Variants in NPAS3 observed in about 807,000 individuals in gnomAD.
NPAS3 encodes neuronal PAS domain protein 3.
NPAS3 carries 14 observed loss-of-function variants against 73.1 expected under a neutral mutation model. The observed-to-expected ratio is 0.19, with a 90% CI of 0.13 to 0.30. The LOEUF (loss-of-function observed/expected upper bound fraction) is 0.30. Among genes scored for constraint, NPAS3 ranks in the 10% least tolerant of loss-of-function variants. The pLI is 1.00. For synonymous variants in NPAS3, 620 were observed against 541.5 expected (o/e 1.14, Z -2.01); for missense variants, 1,096 against 1,250.0 (o/e 0.88, Z 1.86).
At chr14:33,008,170 A>C (rs1485751665) in intron 1 of NPAS3, among the ~76,000 whole-genome samples, 1 of 152,246 alleles carries the variant, frequency 6.6e-6, no homozygotes, top group African/African-American at 2.4e-5. Flanking sequence ...AGCAAGAAAG[A>C]GAAACAGCCT....
intron 4 of NPAS3, among the ~76,000 whole-genome samples, chr14:33,451,344 G>A (rs2049782289): frequency 6.6e-6 from 1 of 152,156 alleles, no homozygotes; most frequent in African/African-American, 2.4e-5. Flanking sequence ...GTTTAAATCT[G>A]AGCCTTCTCC....
intron 3 of NPAS3, among the ~76,000 whole-genome samples, chr14:33,273,375 T>C (rs2041186472): frequency 6.6e-6 from 1 of 152,172 alleles, no homozygotes; most frequent in African/African-American, 2.4e-5. Context: ...AGTTAAAAGC[T>C]GTAGAAGTGG....
intron 7 of NPAS3, among the ~76,000 whole-genome samples, chr14:33,736,236 A>C (rs1000004943): frequency 6.6e-6 from 1 of 152,218 alleles, no homozygotes; most frequent in Non-Finnish European, 1.5e-5. Flanking sequence ...GGTAACAGCC[A>C]GTATCATTAG....
chr14:33,794,169 A>T (rs112660000), intron 10 of NPAS3, 125 bp downstream of exon 10: 9 of 790,112 alleles, frequency 1.1e-5, no homozygotes, highest in African/African-American at 5.2e-5. Flanking sequence ...GTGGAATTTC[A>T]TGGCAATTCT....
intron 3 of NPAS3, 76 bp downstream of exon 3, chr14:33,215,502 C>G: frequency 6.6e-7 from 1 of 1,503,880 alleles, no homozygotes; most frequent in Non-Finnish European, 9.2e-7. Flanking sequence ...TACCATCATC[C>G]TTTCTTCTTT....
At chr14:33,750,605 T>TAATAACCTGA (rs371678805) in intron 7 of NPAS3, among the ~76,000 whole-genome samples, 6,844 of 152,262 alleles carry the variant, frequency 0.045, 257 homozygotes, top group African/African-American at 0.1. Context: ...AGAAGTCTAG[T>TAATAACCTGA]GTAACCAAGA....
intron 3 of NPAS3, among the ~76,000 whole-genome samples, chr14:33,285,308 A>G (rs1041555326): frequency 2.0e-5 from 3 of 152,198 alleles, no homozygotes; most frequent in African/African-American, 7.2e-5. Context: ...TCTGATTGCT[A>G]ATCAAATGGG....
At chr14:33,629,574 GTTTTTTT>G (rs61168695) in intron 5 of NPAS3, among the ~76,000 whole-genome samples, 1 of 144,504 alleles carries the variant, frequency 6.9e-6, no homozygotes, top group Admixed American at 6.9e-5. Flanking sequence ...TGTTGTTTTT[GTTTTTTT>G]TTTTAACACA....
chr14:33,310,399 T>C (rs1056369635), intron 3 of NPAS3, among the ~76,000 whole-genome samples: 2 of 152,124 alleles, frequency 1.3e-5, no homozygotes, highest in African/African-American at 2.4e-5. Flanking sequence ...GGGGATTTCC[T>C]GTGAGGAAAG....
At chr14:33,170,356 A>G (rs1242706739) in intron 2 of NPAS3, among the ~76,000 whole-genome samples, 1 of 152,224 alleles carries the variant, frequency 6.6e-6, no homozygotes, top group East Asian at 1.9e-4. Context: ...CTTTCAGGGA[A>G]CCATAATCTT....
At chr14:33,558,266 C>CT (rs1222683330) in intron 4 of NPAS3, among the ~76,000 whole-genome samples, 2,389 of 145,932 alleles carry the variant, frequency 0.016, 57 homozygotes, top group African/African-American at 0.05. Context: ...GGAAAATTCA[C>CT]TTTTTTTTTT....
chr14:32,958,847 G>A (rs1337769875), intron 1 of NPAS3, among the ~76,000 whole-genome samples: 2 of 152,164 alleles, frequency 1.3e-5, no homozygotes, highest in Non-Finnish European at 2.9e-5. Flanking sequence ...AAATGAAGTA[G>A]CCCCAGAACA....
At position 33,521,408 on chromosome 14, in the gene NPAS3, G is replaced by A. The variant is rs185498085; in HGVS notation, c.469-38713G>A. The stretch of plus-strand genomic sequence containing the variant: ...ATATGGCTGAATATGTGTGTGCTAC[G>A]TGTGACAATGGTGAAGACTTATCTT... On this transcript the variant is annotated intron_variant, in intron 4 of 11. Coordinates refer to ENST00000356141, the Ensembl canonical transcript of NPAS3. Among the ~76,000 whole-genome samples the A allele has an allele frequency of 4.7e-3, 706 of 151,614 alleles. 17 individuals carry two copies. The highest frequency in any genetic ancestry group is 0.035 in the Admixed American group (525 of 15,180).
intron 2 of NPAS3, among the ~76,000 whole-genome samples, chr14:33,137,925 C>T (rs546393468): frequency 6.6e-6 from 1 of 152,184 alleles, no homozygotes; most frequent in African/African-American, 2.4e-5. Context: ...GGAGGTACAA[C>T]TTTCTGAACA....
intron 2 of NPAS3, among the ~76,000 whole-genome samples, chr14:33,076,239 C>T (rs994267557): frequency 2.6e-5 from 4 of 152,100 alleles, no homozygotes; most frequent in Admixed American, 6.5e-5. Flanking sequence ...AATTGCTTAG[C>T]GTGTTGCATG....
At chr14:33,237,386 A>G (rs1298307543) in intron 3 of NPAS3, among the ~76,000 whole-genome samples, 1 of 152,088 alleles carries the variant, frequency 6.6e-6, no homozygotes, top group Non-Finnish European at 1.5e-5. Context: ...TACCAGCAAC[A>G]CATTCTTGAC....
At chr14:33,166,513 C>G (rs545278919) in intron 2 of NPAS3, among the ~76,000 whole-genome samples, 1 of 152,272 alleles carries the variant, frequency 6.6e-6, no homozygotes, top group South Asian at 2.1e-4. Flanking sequence ...CAGGCACTCT[C>G]CAAGGATCTT....
intron 5 of NPAS3, among the ~76,000 whole-genome samples, chr14:33,675,777 C>T (rs1197798871): frequency 6.6e-6 from 1 of 152,160 alleles, no homozygotes; most frequent in Non-Finnish European, 1.5e-5. Flanking sequence ...GGAAAACACT[C>T]GACTGCTATC....
chr14:33,686,973 A>C (rs544525072), intron 6 of NPAS3, among the ~76,000 whole-genome samples: 9 of 152,322 alleles, frequency 5.9e-5, no homozygotes, highest in African/African-American at 2.2e-4. Flanking sequence ...AACAAACAAA[A>C]AAAGTCATTT....
Sources: gnomAD v4.1 joint callset for allele counts (sites outside exome capture counted in the v4.1 genomes callset) on GRCh38, gnomAD v4.1.1 for gene constraint, MANE v1.5 for transcripts, NCBI Gene and HGNC (gene_info 2026-07-23, HGNC 2026-07-21) for gene names.